Variants in OR2C1 observed in about 807,000 individuals in gnomAD.
OR2C1 encodes olfactory receptor 2C1.
For missense variants in OR2C1, 468 were observed against 388.3 expected (o/e 1.21, Z -1.73); for synonymous variants, 209 against 167.3 (o/e 1.25, Z -1.92).
rs1025947551 is a variant in OR2C1 at position 3,356,180 on chromosome 16, A to G, written c.240A>G (p.Gln80=). 1.3e-5 allele frequency: 21 copies of G among 1,613,954 alleles called. No homozygotes were observed. The highest frequency in any genetic ancestry group is 1.6e-5 in the Non-Finnish European group (19 of 1,180,026). The change falls in exon 1 of 1, where the codon CAA becomes CAG. Residue 80 remains glutamine (Q), a synonymous_variant. Coordinates refer to ENST00000304936, the MANE Select transcript of OR2C1 (RefSeq NM_012368.3). The part of the protein sequence containing the change: ...DLAFATSSVP[Q]MLINLWGPGK... ...CTTTCGCTACTAGTTCAGTCCCCCA[A>G]ATGCTGATCAATTTATGGGGACCAG...
At chr16:3,331,888 A>G in the OR2C1 span, among the ~76,000 whole-genome samples, 1 of 151,660 alleles carries the variant, frequency 6.6e-6, no homozygotes, top group Non-Finnish European at 1.5e-5. Context: ...ATGGAATACT[A>G]TGCAGCCATA....
Position 3,356,394 on chromosome 16 carries a change from G to A in OR2C1, c.454G>A (p.Gly152Ser), listed in dbSNP as rs765290815. The A allele has an allele frequency of 8.2e-5, 132 of 1,613,640 alleles. No individual in the cohort carries two copies. Among genetic ancestry groups the A allele is most frequent in the Non-Finnish European group, 1.1e-4 (125 of 1,180,052 alleles). The stretch of plus-strand genomic sequence containing the variant: ...GCTGGCTGTGATTGCCTGCCTGGGT[G>A]GCTTGGGCAACTCTGTGATCCAGTC... ...WLLAVIACLG[G>S]LGNSVIQSTF... Residue 152 changes from glycine to serine, a missense_variant, in exon 1 of 1, where the codon GGC (glycine) becomes AGC (serine). Coordinates refer to ENST00000304936, the MANE Select transcript of OR2C1 (RefSeq NM_012368.3).
chr16:3,355,070 C>T (rs889083771), upstream of OR2C1, among the ~76,000 whole-genome samples: 3 of 152,100 alleles, frequency 2.0e-5, no homozygotes, highest in African/African-American at 4.8e-5. Context: ...CATCATGAGG[C>T]ACTTCCTTCA....
Position 3,356,570 on chromosome 16 carries a change from A to C in OR2C1, c.630A>C (p.Pro210=), listed in dbSNP as rs2030681184. ...NGVCTFFTAV[P]LSIIVISYCL... is the part of the protein sequence containing the mutation. The stretch of plus-strand genomic sequence containing the variant: ...TCTGCACCTTCTTCACTGCAGTCCC[A>C]CTAAGCATCATCGTGATCTCCTACT... Residue 210 remains proline (P), a synonymous_variant, in exon 1 of 1, where the codon CCA becomes CCC. Transcript: ENST00000304936. 1 of 1,614,202 alleles carries C rather than the reference A, an allele frequency of 6.2e-7. No individual in the cohort carries two copies.
chr16:3,339,069 T>G, the OR2C1 span, among the ~76,000 whole-genome samples: 1 of 152,198 alleles, frequency 6.6e-6, no homozygotes. Context: ...TCCTATGGGT[T>G]TAAATATTCT....
At chr16:3,327,237 G>GT in the OR2C1 span, among the ~76,000 whole-genome samples, 9 of 151,936 alleles carry the variant, frequency 5.9e-5, no homozygotes, top group Non-Finnish European at 8.8e-5. Flanking sequence ...ATCCCCTCCA[G>GT]TTTTTTTATT....
chr16:3,355,471 A>AAAAAAAAAAAAAAAAAAC (rs910791358), upstream of OR2C1, among the ~76,000 whole-genome samples: 1 of 143,032 alleles, frequency 7.0e-6, no homozygotes. Flanking sequence ...AAAAAAAAAA[A>AAAAAAAAAAAAAAAAAAC]AGCTTGCAAT....
chr16:3,343,615 G>T, the OR2C1 span, among the ~76,000 whole-genome samples: 1 of 152,110 alleles, frequency 6.6e-6, no homozygotes, highest in Non-Finnish European at 1.5e-5. Flanking sequence ...AGCCAGGTGT[G>T]GTGGTGGGCG....
rs62000971 is a variant in OR2C1 at position 3,356,019 on chromosome 16, T to C, written c.79T>C (p.Phe27Leu). 2.7e-4 allele frequency: 428 copies of C among 1,613,864 alleles called. 1 individual carries two copies. The African/African-American group carries it at 4.3e-3, about 16-fold the overall frequency. ...ISDHPQLEMI[F>L]FIAILFSYLL... ...AGACCATCCCCAGCTGGAGATGATCTTTTTTATAGCCATCCTCTTCTCCTA... is the reference window on the plus strand; with the variant it reads ...AGACCATCCCCAGCTGGAGATGATCCTTTTTATAGCCATCCTCTTCTCCTA... The change falls in exon 1 of 1, where the codon TTT becomes CTT. Residue 27 changes from phenylalanine (F) to leucine (L), a missense_variant. By Grantham distance (22) the Phe-to-Leu change is conservative. Coordinates refer to ENST00000304936, the MANE Select transcript of OR2C1 (RefSeq NM_012368.3).
the OR2C1 span, among the ~76,000 whole-genome samples, chr16:3,345,504 GAAATA>G: frequency 1.3e-5 from 2 of 149,120 alleles, no homozygotes; most frequent in Admixed American, 1.3e-4. Context: ...AAAAAAGTAA[GAAATA>G]AAATAAGAGG....
chr16:3,356,070 A>G lies in OR2C1; in HGVS notation c.130A>G (p.Thr44Ala), dbSNP rs770991528. 3 of 1,614,044 alleles carry G rather than the reference A, an allele frequency of 1.9e-6. No individual in the cohort carries two copies. In the Admixed American group the frequency reaches 5.0e-5, roughly 27 times the overall value. The change falls in exon 1 of 1, where the codon ACC (threonine) becomes GCC (alanine). Residue 44 changes from threonine to alanine, a missense_variant. Physicochemically the swap from Thr to Ala is moderately conservative, Grantham distance 58. Coordinates refer to ENST00000304936, the MANE Select transcript of OR2C1 (RefSeq NM_012368.3). Reference protein sequence around the residue: ...SYLLTLLGNSTIILLSRLEAR... With the variant: ...SYLLTLLGNSAIILLSRLEAR... The stretch of plus-strand genomic sequence containing the variant: ...TTTGCTGACCCTACTTGGGAACTCA[A>G]CCATCATCTTGCTTTCCCGCCTGGA...
the OR2C1 span, among the ~76,000 whole-genome samples, chr16:3,324,724 C>G: frequency 6.6e-6 from 1 of 152,014 alleles, no homozygotes; most frequent in South Asian, 2.1e-4. Flanking sequence ...AAATCTGGGA[C>G]TGCAGGTGCA....
chr16:3,325,932 T>A, the OR2C1 span, among the ~76,000 whole-genome samples: 1 of 143,392 alleles, frequency 7.0e-6, no homozygotes, highest in African/African-American at 2.5e-5. Context: ...AGTGCATTCT[T>A]TTTTTTTTTT....
the OR2C1 span, among the ~76,000 whole-genome samples, chr16:3,330,586 C>A: frequency 4.5e-4 from 69 of 151,924 alleles, no homozygotes; most frequent in African/African-American, 1.6e-3. Context: ...CCATCATAAT[C>A]TTTATTTTTT....
the OR2C1 span, among the ~76,000 whole-genome samples, chr16:3,335,318 T>C: frequency 6.6e-6 from 1 of 152,214 alleles, no homozygotes; most frequent in Non-Finnish European, 1.5e-5. Flanking sequence ...GAGTATGGAA[T>C]ATGTTTCCAT....
At chr16:3,322,959 G>T in the OR2C1 span, 1 of 984,646 alleles carries the variant, frequency 1.0e-6, no homozygotes. Context: ...CGACAAGGAG[G>T]CAGCCAATGT....
At chr16:3,338,003 C>A in the OR2C1 span, among the ~76,000 whole-genome samples, 2 of 152,174 alleles carry the variant, frequency 1.3e-5, no homozygotes, top group Non-Finnish European at 2.9e-5. Flanking sequence ...TGGCAGTAGA[C>A]GGTGCCTTAA....
At chr16:3,339,705 C>G in the OR2C1 span, among the ~76,000 whole-genome samples, 26 of 152,172 alleles carry the variant, frequency 1.7e-4, no homozygotes, top group African/African-American at 5.1e-4. Context: ...ATCCACCCGC[C>G]TCGGCCTCCC....
chr16:3,339,702 C>G, the OR2C1 span, among the ~76,000 whole-genome samples: 1 of 152,092 alleles, frequency 6.6e-6, no homozygotes, highest in Non-Finnish European at 1.5e-5. Flanking sequence ...GTGATCCACC[C>G]GCCTCGGCCT....
Sources: allele counts gnomAD v4.1 joint callset (sites outside exome capture counted in the v4.1 genomes callset), GRCh38; gene constraint gnomAD v4.1.1; transcripts MANE v1.5; gene names NCBI Gene and HGNC (gene_info 2026-07-23, HGNC 2026-07-21).